The following RFC2 variants were observed in gnomAD, a reference collection of about 807,000 sequenced individuals.
The protein encoded by RFC2 is replication factor C subunit 2.
RFC2 carries 34 observed loss-of-function variants against 44.8 expected under a neutral mutation model. The observed-to-expected ratio is 0.76, with a 90% confidence interval of 0.58 to 1.01. RFC2 has a LOEUF of 1.01. Among genes scored for constraint, RFC2 ranks in the 50% least tolerant of loss-of-function variants. RFC2 has a pLI of 0.00. For synonymous variants in RFC2, 177 were observed against 168.9 expected, an observed-to-expected ratio of 1.05 and a Z score of -0.37; for missense variants, 400 against 453.6, an observed-to-expected ratio of 0.88 and a Z score of 1.07.
chr7:74,232,539 CT>C, intron 10 of RFC2, among the ~76,000 whole-genome samples: 1 of 152,240 alleles, frequency 6.6e-6, no homozygotes, highest in South Asian at 2.1e-4. Context: ...TGATAAAGAA[CT>C]TGCATCCAGA....
intron 4 of RFC2, 101 bp from the exon 5 acceptor site, chr7:74,246,864 A>C: frequency 1.6e-6 from 1 of 616,700 alleles, no homozygotes; most frequent in Non-Finnish European, 2.7e-6. Flanking sequence ...GTGAGGCCCA[A>C]TTTCCATTTT....
rs1554721625 is a variant in RFC2 at position 74,254,371 on chromosome 7, C to T, written c.13G>A (p.Ala5Thr). 1.2e-6 allele frequency: 2 copies of T among 1,602,028 alleles called. No individual in the cohort carries two copies. The highest frequency in any genetic ancestry group is 1.7e-6 in the Non-Finnish European group (2 of 1,173,378). The part of the protein sequence containing the change: MEVE[A>T]VCGGAGEVEA... Reference sequence around the variant, plus strand: ...ACCTCGCCCGCGCCACCACAGACGGCCTCCACCTCCATTCTCGCGCCTCCT... The same window carrying T: ...ACCTCGCCCGCGCCACCACAGACGGTCTCCACCTCCATTCTCGCGCCTCCT... Residue 5 changes from alanine to threonine, a missense_variant, in exon 1 of 11, where the codon GCC (alanine) becomes ACC (threonine). By Grantham distance (58) the Ala-to-Thr change is moderately conservative (BLOSUM62 0). Coordinates refer to ENST00000055077, the MANE Select transcript of RFC2 (RefSeq NM_181471.3).
chr7:74,241,798 A>C (rs1554719302), intron 6 of RFC2, among the ~76,000 whole-genome samples: 1 of 152,198 alleles, frequency 6.6e-6, no homozygotes, highest in East Asian at 1.9e-4. Context: ...CGTCTCTAAG[A>C]AAAATACAAA....
At chr7:74,245,606 G>A (rs919176732) in intron 5 of RFC2, among the ~76,000 whole-genome samples, 9 of 150,714 alleles carry the variant, frequency 6.0e-5, no homozygotes, top group Non-Finnish European at 1.2e-4. Context: ...CCAGCTACTC[G>A]AGAGGCTGAG....
At chr7:74,247,548 G>A (rs1044193435) in intron 4 of RFC2, among the ~76,000 whole-genome samples, 2 of 152,180 alleles carry the variant, frequency 1.3e-5, no homozygotes, top group Non-Finnish European at 2.9e-5. Context: ...GCTGAGGCAC[G>A]AGAATCGCTT....
chr7:74,236,632 C>T (rs190674657), intron 9 of RFC2, among the ~76,000 whole-genome samples: 2 of 152,300 alleles, frequency 1.3e-5, no homozygotes, highest in African/African-American at 4.8e-5. Context: ...ATGCCTGTGC[C>T]TATGAGAATG....
At chr7:74,234,633 A>G (rs1802907079) in intron 10 of RFC2, among the ~76,000 whole-genome samples, 1 of 152,052 alleles carries the variant, frequency 6.6e-6, no homozygotes, top group East Asian at 1.9e-4. Flanking sequence ...TGTTTGGGTC[A>G]TGAGGAAGAT....
At chr7:74,249,386 C>T (rs1173388379) in intron 3 of RFC2, among the ~76,000 whole-genome samples, 3 of 152,004 alleles carry the variant, frequency 2.0e-5, no homozygotes, top group Non-Finnish European at 4.4e-5. Context: ...ACTAAAAATA[C>T]AAAACTTAGC....
chr7:74,233,384 C>A (rs2116243119), intron 10 of RFC2, among the ~76,000 whole-genome samples: 1 of 151,982 alleles, frequency 6.6e-6, no homozygotes, highest in African/African-American at 2.4e-5. Flanking sequence ...TTAACATGAT[C>A]TCTAAACAAA....
At chr7:74,232,284 AAAAAAT>A in intron 10 of RFC2, 68 bp from the exon 11 acceptor site, 1 of 847,234 alleles carries the variant, frequency 1.2e-6, no homozygotes, top group African/African-American at 1.7e-5. Context: ...TCTGAACTGA[AAAAAAT>A]AAAAATAAAA....
chr7:74,246,610 G>A (rs547877964), intron 5 of RFC2, 52 bp downstream of exon 5: 46 of 1,267,360 alleles, frequency 3.6e-5, no homozygotes, highest in Admixed American at 1.6e-4. Flanking sequence ...GAATAAAACC[G>A]AAAAAGAGAT....
rs1285036814 is a variant in RFC2, at chr7:74,239,130, G to A, written c.694-142C>T. On this transcript the variant is annotated intron_variant, in intron 7 of 10. Transcript: ENST00000055077. Reference sequence around the variant, plus strand: ...CTCCCACCTCCGCCTCCCAAGTGCTGGGATTACAGGCATGAGCCACCGCAC... The same window carrying A: ...CTCCCACCTCCGCCTCCCAAGTGCTAGGATTACAGGCATGAGCCACCGCAC... The A allele has an allele frequency of 2.1e-5, 14 of 651,228 alleles. No individual in the cohort carries two copies. The Admixed American group carries it at 2.9e-4, about 13-fold the overall frequency. The allele number at this position is 651,228 out of a possible 1,614,324, so 40.3% of individuals were successfully genotyped here. A position where few individuals can be genotyped will look rare whatever the true frequency, so the allele number is the denominator to read the frequency against.
chr7:74,248,971 C>A, intron 4 of RFC2, 41 bp downstream of exon 4: 1 of 1,400,170 alleles, frequency 7.1e-7, no homozygotes, highest in Non-Finnish European at 1.0e-6. Flanking sequence ...ATTCTCAATG[C>A]AGAGCACCCG....
intron 6 of RFC2, among the ~76,000 whole-genome samples, chr7:74,240,932 T>C (rs1204391433): frequency 1.3e-5 from 2 of 150,654 alleles, no homozygotes; most frequent in African/African-American, 4.9e-5. Flanking sequence ...GGCCAGTTTC[T>C]TTCTTTCTTT....
At chr7:74,249,244 C>A (rs1347314140) in intron 3 of RFC2, 126 bp from the exon 4 acceptor site, 1 of 1,527,564 alleles carries the variant, frequency 6.5e-7, no homozygotes, top group East Asian at 2.4e-5. Context: ...ACAGCACACA[C>A]AGATCAATAC....
intron 7 of RFC2, among the ~76,000 whole-genome samples, chr7:74,239,696 C>G (rs553204136): frequency 1.3e-5 from 2 of 152,234 alleles, no homozygotes; most frequent in East Asian, 3.9e-4. Context: ...CCAGGCTGGT[C>G]TTGAACTCCT....
rs1554720091 is a variant in RFC2, at chr7:74,246,712, G to A, written c.384C>T (p.Val128=). Residue 128 remains valine (V), a synonymous_variant, in exon 5 of 11, where the codon GTC becomes GTT. Transcript: ENST00000055077. ...TCTTATGTCGGCCTTTGGGAAGAGT[G>A]ACTTTTTGTTGAGCAAACATTTTAA... The part of the protein sequence containing the change: ...NKIKMFAQQK[V]TLPKGRHKII... 6.2e-7 allele frequency: 1 copy of A among 1,613,318 alleles called. No individual in the cohort carries two copies. Among genetic ancestry groups the A allele is most frequent in the Admixed American group, 1.7e-5 (1 of 59,916 alleles).
Sources: gnomAD v4.1 joint callset for allele counts (sites outside exome capture counted in the v4.1 genomes callset) on GRCh38, gnomAD v4.1.1 for gene constraint, MANE v1.5 for transcripts, NCBI Gene and HGNC (gene_info 2026-07-23, HGNC 2026-07-21) for gene names.